Variants in ELAPOR2 observed in about 807,000 individuals in gnomAD.
ELAPOR2 encodes the protein endosome/lysosome-associated apoptosis and autophagy regulator family member 2.
ELAPOR2 carries 89 observed loss-of-function variants against 120.7 expected under a neutral mutation model. That is an observed-to-expected ratio of 0.74 (90% CI 0.62 to 0.88). The LOEUF (loss-of-function observed/expected upper bound fraction) is 0.88, where lower values mean the gene tolerates loss of function less well. ELAPOR2 is among the 40% of genes least tolerant of loss of function. The pLI is 0.00. For synonymous variants in ELAPOR2, 444 were observed against 444.9 expected, an observed-to-expected ratio of 1.00 and a Z score of 0.03; for missense variants, 1,134 against 1,251.6, an observed-to-expected ratio of 0.91 and a Z score of 1.42.
At chr7:86,901,582 A>G (rs1360907628) in intron 18 of ELAPOR2, among the ~76,000 whole-genome samples, 1 of 152,238 alleles carries the variant, frequency 6.6e-6, no homozygotes, top group African/African-American at 2.4e-5. Flanking sequence ...CAAAGGTTAA[A>G]ATACATTTAT....
intron 2 of ELAPOR2, among the ~76,000 whole-genome samples, chr7:86,955,834 T>G (rs1418591644): frequency 6.6e-6 from 1 of 151,954 alleles, no homozygotes; most frequent in Non-Finnish European, 1.5e-5. Flanking sequence ...ACAGACTCCA[T>G]GACTCTCTAC....
intron 1 of ELAPOR2, among the ~76,000 whole-genome samples, chr7:86,966,836 C>T (rs1791922683): frequency 6.6e-6 from 1 of 152,126 alleles, no homozygotes; most frequent in African/African-American, 2.4e-5. Context: ...CTGGCGGCTG[C>T]CACCATTTAT....
At chr7:86,950,784 G>T (rs532298825) in intron 2 of ELAPOR2, among the ~76,000 whole-genome samples, 2 of 152,302 alleles carry the variant, frequency 1.3e-5, no homozygotes, top group African/African-American at 4.8e-5. Context: ...AGCCTGGTGG[G>T]CCTGAGCAAA....
At chr7:86,948,254 T>G (rs1791085370) in intron 2 of ELAPOR2, among the ~76,000 whole-genome samples, 1 of 152,280 alleles carries the variant, frequency 6.6e-6, no homozygotes, top group South Asian at 2.1e-4. Flanking sequence ...TGTTCTCAAC[T>G]CAAAAACCAC....
At chr7:87,045,896 C>T (rs1224079405) in intron 1 of ELAPOR2, among the ~76,000 whole-genome samples, 4 of 151,836 alleles carry the variant, frequency 2.6e-5, no homozygotes, top group Non-Finnish European at 5.9e-5. Flanking sequence ...ATCTTGAACA[C>T]AACAAGAATG....
At chr7:87,045,408 C>G (rs1794919617) in intron 1 of ELAPOR2, among the ~76,000 whole-genome samples, 1 of 150,798 alleles carries the variant, frequency 6.6e-6, no homozygotes, top group South Asian at 2.1e-4. Flanking sequence ...CACATATACA[C>G]CATGGAATAC....
intron 2 of ELAPOR2, among the ~76,000 whole-genome samples, chr7:86,959,435 A>T (rs1035137309): frequency 6.6e-6 from 1 of 152,196 alleles, no homozygotes; most frequent in African/African-American, 2.4e-5. Flanking sequence ...AGTTTTTCAC[A>T]ACTGAGTATA....
chr7:86,946,653 C>T (rs953233186), intron 3 of ELAPOR2, among the ~76,000 whole-genome samples: 3 of 152,194 alleles, frequency 2.0e-5, no homozygotes, highest in African/African-American at 4.8e-5. Flanking sequence ...TCCCAAAGTG[C>T]TGGGATTACA....
At chr7:86,929,453 T>A (rs1423266786) in intron 8 of ELAPOR2, among the ~76,000 whole-genome samples, 1 of 151,978 alleles carries the variant, frequency 6.6e-6, no homozygotes, top group African/African-American at 2.4e-5. Context: ...CCAGGCTGTC[T>A]CAAACCTTGA....
intron 2 of ELAPOR2, among the ~76,000 whole-genome samples, chr7:86,952,201 T>A (rs1306809452): frequency 1.3e-5 from 2 of 152,178 alleles, no homozygotes; most frequent in African/African-American, 4.8e-5. Flanking sequence ...CAAATAAATT[T>A]TAGCAAGTAG....
intron 2 of ELAPOR2, among the ~76,000 whole-genome samples, chr7:86,960,084 A>G (rs370566575): frequency 6.6e-6 from 1 of 152,170 alleles, no homozygotes; most frequent in Non-Finnish European, 1.5e-5. Flanking sequence ...AATGATTTTA[A>G]TCTTCTTAAA....
At chr7:86,906,108 T>C (rs1029120132) in intron 18 of ELAPOR2, among the ~76,000 whole-genome samples, 2 of 152,146 alleles carry the variant, frequency 1.3e-5, no homozygotes, top group African/African-American at 4.8e-5. Context: ...TCCCAGAGAC[T>C]ACAGGTTAAT....
chr7:86,881,114 T>C (rs1353169387), intron 21 of ELAPOR2, among the ~76,000 whole-genome samples: 1 of 152,200 alleles, frequency 6.6e-6, no homozygotes, highest in Non-Finnish European at 1.5e-5. Context: ...TGGCATTATA[T>C]AAAACATTCA....
chr7:86,881,203 T>C (rs892305854), intron 21 of ELAPOR2, among the ~76,000 whole-genome samples: 1 of 151,984 alleles, frequency 6.6e-6, no homozygotes, highest in African/African-American at 2.4e-5. Context: ...TCCAACCTTT[T>C]ATTGTATTTT....
chr7:87,023,601 GAA>G (rs1399128532), intron 1 of ELAPOR2, among the ~76,000 whole-genome samples: 3 of 152,288 alleles, frequency 2.0e-5, no homozygotes, highest in Admixed American at 1.3e-4. Context: ...GTTCTGTGAA[GAA>G]AGTGATTGGT....
At chr7:86,894,076 A>G (rs558004038) in intron 19 of ELAPOR2, among the ~76,000 whole-genome samples, 42 of 152,082 alleles carry the variant, frequency 2.8e-4, no homozygotes, top group Non-Finnish European at 4.1e-4. Flanking sequence ...AATTTTTATG[A>G]TTTAAATACA....
At chr7:86,904,792 A>G (rs550882699) in intron 18 of ELAPOR2, among the ~76,000 whole-genome samples, 2 of 152,282 alleles carry the variant, frequency 1.3e-5, no homozygotes, top group African/African-American at 4.8e-5. Context: ...ACATTTTCCC[A>G]GGACACCAAG....
intron 18 of ELAPOR2, among the ~76,000 whole-genome samples, chr7:86,906,385 A>G (rs1789017119): frequency 1.3e-5 from 2 of 152,082 alleles, no homozygotes; most frequent in African/African-American, 4.8e-5. Context: ...AACAGGTAAA[A>G]AGAATAATTA....
intron 5 of ELAPOR2, among the ~76,000 whole-genome samples, chr7:86,940,724 A>G (rs1040698855): frequency 3.3e-5 from 5 of 152,060 alleles, no homozygotes; most frequent in African/African-American, 9.7e-5. Flanking sequence ...TTTCATGTTC[A>G]TACAGGTAAG....
Sources: allele counts gnomAD v4.1 joint callset (sites outside exome capture counted in the v4.1 genomes callset), GRCh38; gene constraint gnomAD v4.1.1; transcripts MANE v1.5; gene names NCBI Gene and HGNC (gene_info 2026-07-23, HGNC 2026-07-21).